Variants in AMZ2 observed in about 807,000 individuals in gnomAD.
AMZ2 encodes archaemetzincin-2.
AMZ2 carries 26 observed loss-of-function variants against 36.7 expected under a neutral mutation model. That is an observed-to-expected ratio of 0.71 (90% CI 0.52 to 0.98). AMZ2 has a LOEUF of 0.98. Among genes scored for constraint, AMZ2 ranks in the 50% least tolerant of loss-of-function variants. The pLI is 0.00. For missense variants in AMZ2, 394 were observed against 430.5 expected (o/e 0.92, Z 0.75); for synonymous variants, 144 against 149.1 (o/e 0.97, Z 0.25).
chr17:68,220,329 T>TTGCA (rs1197493765), intron 1 of AMZ2, among the ~76,000 whole-genome samples: 4 of 151,958 alleles, frequency 2.6e-5, no homozygotes, highest in African/African-American at 9.7e-5. Context: ...ATGCCTCCCC[T>TTGCA]TGCTTTACAA....
At chr17:68,215,544 ACT>A (rs2073173861) in intron 1 of AMZ2, among the ~76,000 whole-genome samples, 1 of 134,480 alleles carries the variant, frequency 7.4e-6, no homozygotes, top group Non-Finnish European at 1.7e-5. Flanking sequence ...ATGGAGTGAG[ACT>A]CTGTCTGTCT....
In AMZ2 at chr17:68,248,393, C is replaced by A; in HGVS notation, c.-313C>A. The A allele has an allele frequency of 2.0e-6, 2 of 986,070 alleles. No individual in the cohort carries two copies. Among genetic ancestry groups the A allele is most frequent in the South Asian group, 9.4e-5 (2 of 21,308 alleles). 61.1% of individuals were successfully genotyped at this position (986,070 alleles called of 1,614,324 possible). On this transcript the variant is annotated 5_prime_UTR_variant, in exon 1 of 7. Coordinates refer to ENST00000359904, the MANE Select transcript of AMZ2 (RefSeq NM_016627.5). ...TTGTGTCTGCATGGACCAGAGCCCA[C>A]AGTGCGAGTTGCTATAGGCAACCAG...
intron 6 of AMZ2, 29 bp downstream of exon 6, chr17:68,255,905 G>C (rs1412738387): frequency 1.2e-6 from 2 of 1,604,228 alleles, no homozygotes; most frequent in East Asian, 2.2e-5. Flanking sequence ...AGTCTAAAGA[G>C]GGGGAAGTGG....
At chr17:68,207,319 C>CG (rs1555724643) in intron 1 of AMZ2, 3 of 140,508 alleles carry the variant, frequency 2.1e-5, no homozygotes, top group African/African-American at 7.9e-5. Flanking sequence ...AAATACCCCC[C>CG]CCCCACAAAG....
At chr17:68,217,989 T>G (rs1555727719) in intron 1 of AMZ2, among the ~76,000 whole-genome samples, 1 of 152,044 alleles carries the variant, frequency 6.6e-6, no homozygotes, top group Non-Finnish European at 1.5e-5. Context: ...ATTTTGTGTA[T>G]TTTTAGTAGA....
chr17:68,247,879 G>A (rs1305081355), upstream of AMZ2: 4 of 985,548 alleles, frequency 4.1e-6, no homozygotes, highest in South Asian at 4.7e-5. Flanking sequence ...GGAAGAGGCG[G>A]GTCGCGGCCG....
At chr17:68,231,723 A>C (rs1436887786) in intron 1 of AMZ2, among the ~76,000 whole-genome samples, 1 of 151,954 alleles carries the variant, frequency 6.6e-6, no homozygotes, top group African/African-American at 2.4e-5. Flanking sequence ...GAAACTGTGG[A>C]TAGGTTACAT....
chr17:68,211,877 T>A (rs181490627), intron 1 of AMZ2, among the ~76,000 whole-genome samples: 8 of 149,450 alleles, frequency 5.4e-5, no homozygotes, highest in African/African-American at 1.7e-4. Context: ...TGTGTGTGTA[T>A]GTATATATAT....
At chr17:68,237,259 G>A (rs1395832474) in intron 1 of AMZ2, among the ~76,000 whole-genome samples, 1 of 152,180 alleles carries the variant, frequency 6.6e-6, no homozygotes, top group Non-Finnish European at 1.5e-5. Context: ...TGTGCACCAC[G>A]AAAAAGTCTA....
rs1467432893 is a variant in AMZ2, at chr17:68,207,836, A to AT, written c.-67+1598_-67+1599insT. 1.8e-4 allele frequency among the ~76,000 whole-genome samples: 27 copies of AT among 148,976 alleles called. No individual in the cohort carries two copies. The Middle Eastern group carries it at 0.011, about 59-fold the overall frequency. On this transcript the variant is annotated intron_variant, in intron 1 of 7. Coordinates refer to the AMZ2 transcript ENST00000674770. The stretch of plus-strand genomic sequence containing the variant: ...GGCCAAGGCTGGAGCCGGCTCCCTC[A>AT]GCTTGCGGGGGAGGTGTGGAGGGAG...
Position 68,251,133 on chromosome 17 carries a change from A to G in AMZ2, c.541A>G (p.Arg181Gly). 2 of 1,613,860 alleles carry G rather than the reference A, an allele frequency of 1.2e-6. No homozygotes were observed. The highest frequency in any genetic ancestry group is 2.2e-5 in the East Asian group (1 of 44,860). The change falls in exon 4 of 7, where the codon AGA becomes GGA. Residue 181 changes from arginine (R) to glycine (G), a missense_variant. Coordinates refer to ENST00000359904, the MANE Select transcript of AMZ2 (RefSeq NM_016627.5). ...VGITMIDLYP[R>G]DSWNFVFGQA... is the part of the protein sequence containing the mutation. ...AATAACAATGATTGATCTTTACCCA[A>G]GAGACTCGTGGAATTTTGTCTTTGG...
chr17:68,210,144 A>C (rs546128833), intron 1 of AMZ2, among the ~76,000 whole-genome samples: 1 of 152,328 alleles, frequency 6.6e-6, no homozygotes, highest in African/African-American at 2.4e-5. Context: ...CAAAAAGTTA[A>C]ACTTAGAGCT....
intron 1 of AMZ2, among the ~76,000 whole-genome samples, chr17:68,221,231 G>GCCC (rs2073357652): frequency 7.4e-5 from 4 of 54,052 alleles, no homozygotes; most frequent in Non-Finnish European, 1.5e-4. Flanking sequence ...CCCCCCGGTA[G>GCCC]CTAGGACCCC....
At chr17:68,216,912 A>G (rs1204784009) in intron 1 of AMZ2, among the ~76,000 whole-genome samples, 27 of 152,050 alleles carry the variant, frequency 1.8e-4, no homozygotes, top group African/African-American at 4.6e-4. Flanking sequence ...ACGTGCCTGT[A>G]GTTCCAGCTA....
intron 1 of AMZ2, among the ~76,000 whole-genome samples, chr17:68,229,414 C>T (rs368455443): frequency 2.0e-5 from 3 of 152,110 alleles, no homozygotes; most frequent in African/African-American, 7.2e-5. Context: ...CCTGCCTGTG[C>T]TAGAACTGGG....
At chr17:68,224,798 CT>C (rs1168652070) in intron 1 of AMZ2, among the ~76,000 whole-genome samples, 2 of 151,678 alleles carry the variant, frequency 1.3e-5, no homozygotes, top group Admixed American at 1.3e-4. Flanking sequence ...TTTTCACTCC[CT>C]TTTTTTTGCC....
At chr17:68,236,490 G>A (rs2073790501) in intron 1 of AMZ2, among the ~76,000 whole-genome samples, 1 of 148,934 alleles carries the variant, frequency 6.7e-6, no homozygotes, top group Non-Finnish European at 1.5e-5. Context: ...AATAAATATT[G>A]CTAAAAAATA....
At chr17:68,222,820 T>C (rs4277406) in intron 1 of AMZ2, among the ~76,000 whole-genome samples, 1 of 151,986 alleles carries the variant, frequency 6.6e-6, no homozygotes, top group Non-Finnish European at 1.5e-5. Flanking sequence ...GAGGAAGCTT[T>C]CCTCATTCAC....
chr17:68,211,020 A>G (rs1555725777), intron 1 of AMZ2, among the ~76,000 whole-genome samples: 1 of 152,090 alleles, frequency 6.6e-6, no homozygotes, highest in East Asian at 1.9e-4. Flanking sequence ...ACAATTTTCA[A>G]AAATTATTTG....
Sources: allele counts gnomAD v4.1 joint callset (sites outside exome capture counted in the v4.1 genomes callset), GRCh38; gene constraint gnomAD v4.1.1; transcripts MANE v1.5; gene names NCBI Gene and HGNC (gene_info 2026-07-23, HGNC 2026-07-21).